The following TTC29 variants were observed in gnomAD, a reference collection of about 807,000 sequenced individuals.
The protein encoded by TTC29 is tetratricopeptide repeat domain 29, also known as tetratricopeptide repeat protein 29.
TTC29 carries 49 observed loss-of-function variants against 58.1 expected under a neutral mutation model. The observed-to-expected ratio is 0.84, with a 90% CI of 0.67 to 1.07. The LOEUF (loss-of-function observed/expected upper bound fraction) is 1.07. Among genes scored for constraint, TTC29 ranks in the 50% least tolerant of loss-of-function variants. The pLI is 0.00. For missense variants in TTC29, 582 were observed against 555.6 expected (o/e 1.05, Z -0.48); for synonymous variants, 209 against 196.8 (o/e 1.06, Z -0.52).
chr4:146,856,815 T>A (rs1448204508), intron 8 of TTC29, among the ~76,000 whole-genome samples: 1 of 151,564 alleles, frequency 6.6e-6, no homozygotes, highest in African/African-American at 2.4e-5. Context: ...AAGATTCTAT[T>A]CTGTGATCTT....
intron 4 of TTC29, among the ~76,000 whole-genome samples, chr4:146,932,794 C>T (rs750038227): frequency 3.9e-5 from 6 of 152,076 alleles, no homozygotes; most frequent in African/African-American, 1.2e-4. Flanking sequence ...CGGTGGTTCA[C>T]GCCTGTAGTC....
At chr4:146,901,415 C>T (rs1198474126) in intron 6 of TTC29, among the ~76,000 whole-genome samples, 1 of 152,154 alleles carries the variant, frequency 6.6e-6, no homozygotes, top group Non-Finnish European at 1.5e-5. Context: ...TTTAAGGTAT[C>T]AGGAGCATTT....
intron 11 of TTC29, among the ~76,000 whole-genome samples, chr4:146,721,949 C>A (rs373232714): frequency 6.6e-6 from 1 of 152,118 alleles, no homozygotes; most frequent in East Asian, 1.9e-4. Flanking sequence ...AACTGATAAA[C>A]AACTTCAGTA....
chr4:146,780,377 A>C (rs1199065009), intron 11 of TTC29, among the ~76,000 whole-genome samples: 1 of 147,634 alleles, frequency 6.8e-6, no homozygotes, highest in Admixed American at 6.8e-5. Flanking sequence ...CACTCTCTCC[A>C]TTGTAAATGT....
intron 10 of TTC29, among the ~76,000 whole-genome samples, chr4:146,813,732 C>A (rs1268278533): frequency 2.0e-5 from 3 of 152,102 alleles, no homozygotes; most frequent in African/African-American, 4.8e-5. Context: ...CTGTAGGTAG[C>A]CAGCACTTTG....
At chr4:146,885,022 T>G (rs58651561) in intron 6 of TTC29, among the ~76,000 whole-genome samples, 1,989 of 152,146 alleles carry the variant, frequency 0.013, 53 homozygotes, top group African/African-American at 0.044. Context: ...GATGTTATTA[T>G]CTCATACATG....
chr4:146,934,391 G>C (rs781571511), intron 4 of TTC29: 6 of 152,248 alleles, frequency 3.9e-5, no homozygotes, highest in Non-Finnish European at 7.3e-5. Flanking sequence ...AAGGCTGTGG[G>C]ACGAATATTG....
At chr4:146,761,979 C>A (rs1441463013) in intron 11 of TTC29, among the ~76,000 whole-genome samples, 6 of 151,798 alleles carry the variant, frequency 4.0e-5, no homozygotes, top group African/African-American at 1.4e-4. Flanking sequence ...AAAACAAAAA[C>A]AAAAACCTGC....
intron 8 of TTC29, among the ~76,000 whole-genome samples, chr4:146,864,635 T>C (rs1411804847): frequency 6.6e-6 from 1 of 152,212 alleles, no homozygotes; most frequent in Non-Finnish European, 1.5e-5. Context: ...TTTTAAAGGC[T>C]GTAGGAGAGG....
chr4:146,892,306 T>G (rs1251531677), intron 6 of TTC29, among the ~76,000 whole-genome samples: 2 of 152,116 alleles, frequency 1.3e-5, no homozygotes, highest in Non-Finnish European at 2.9e-5. Context: ...TCCTATACAG[T>G]CTGTGGAACT....
At chr4:146,892,377 A>T (rs1348324334) in intron 6 of TTC29, among the ~76,000 whole-genome samples, 1 of 152,202 alleles carries the variant, frequency 6.6e-6, no homozygotes, top group East Asian at 1.9e-4. Context: ...GGCTGGTTCA[A>T]CATACGCAAA....
chr4:146,838,889 C>G (rs1053142415), intron 8 of TTC29, among the ~76,000 whole-genome samples: 22 of 151,880 alleles, frequency 1.4e-4, no homozygotes, highest in African/African-American at 5.1e-4. Context: ...AGTCTTGGCC[C>G]TTATGTTCAC....
intron 11 of TTC29, among the ~76,000 whole-genome samples, chr4:146,768,540 A>G (rs1747492462): frequency 6.6e-6 from 1 of 152,028 alleles, no homozygotes; most frequent in Non-Finnish European, 1.5e-5. Flanking sequence ...AAGCAAAATT[A>G]AAGAAAAAGA....
At chr4:146,917,682 A>C (rs1194000631) in intron 4 of TTC29, among the ~76,000 whole-genome samples, 1 of 99,214 alleles carries the variant, frequency 1.0e-5, no homozygotes, top group African/African-American at 3.1e-5. Context: ...TATAAATTTT[A>C]TATTATATTA....
chr4:146,867,986 T>C (rs539995271), intron 7 of TTC29, among the ~76,000 whole-genome samples: 38 of 152,274 alleles, frequency 2.5e-4, no homozygotes, highest in African/African-American at 8.4e-4. Context: ...TGCTGCTACA[T>C]ACATAAAACA....
intron 11 of TTC29, among the ~76,000 whole-genome samples, chr4:146,756,281 A>C (rs915970033): frequency 1.3e-5 from 2 of 151,972 alleles, no homozygotes; most frequent in African/African-American, 4.8e-5. Context: ...AAAAAAAAAA[A>C]AAAAAAAATC....
rs1473441146 is a variant in TTC29, at chr4:146,945,781, T to A, written c.-126A>T. ...AAGTCAGTCCCCCACCGGCGGCAGGTGCTGGGCGTTGGCGCTGCCCCCTCC... is the reference window on the plus strand; with the variant it reads ...AAGTCAGTCCCCCACCGGCGGCAGGAGCTGGGCGTTGGCGCTGCCCCCTCC... On this transcript the variant is annotated 5_prime_UTR_variant, in exon 1 of 13. Coordinates refer to ENST00000325106, the MANE Select transcript of TTC29 (RefSeq NM_031956.4). 3 of 152,406 alleles carry A rather than the reference T, an allele frequency of 2.0e-5. No individual in the cohort carries two copies. The highest frequency in any genetic ancestry group is 7.2e-5 in the African/African-American group (3 of 41,458). The allele number at this position is 152,406 out of a possible 1,614,324, so 9.4% of individuals were successfully genotyped here.
rs1371310266 is a variant in TTC29, at chr4:146,821,164, C to A, written c.978-916G>T. ...ATACGACATGTCCAGAATGGCAAAT[C>A]CATGAGATGGAAAGTAGGCTAGTGG... On this transcript the variant is annotated intron_variant, in intron 9 of 12. Coordinates refer to ENST00000325106, the MANE Select transcript of TTC29 (RefSeq NM_031956.4). Among the ~76,000 whole-genome samples the A allele has an allele frequency of 2.6e-5, 4 of 152,222 alleles. No homozygotes were observed. The South Asian group carries it at 8.3e-4, about 32-fold the overall frequency.
At chr4:146,734,593 C>A (rs970070038) in intron 11 of TTC29, among the ~76,000 whole-genome samples, 2 of 152,000 alleles carry the variant, frequency 1.3e-5, no homozygotes, top group Non-Finnish European at 2.9e-5. Context: ...AACCCTCAAC[C>A]TGGGGAATTT....
Sources: gnomAD v4.1 joint callset for allele counts (sites outside exome capture counted in the v4.1 genomes callset) on GRCh38, gnomAD v4.1.1 for gene constraint, MANE v1.5 for transcripts, NCBI Gene and HGNC (gene_info 2026-07-23, HGNC 2026-07-21) for gene names.